The following FBXL17 variants were observed in gnomAD, a reference collection of about 807,000 sequenced individuals.
The protein encoded by FBXL17 is F-box and leucine rich repeat protein 17, also known as F-box/LRR-repeat protein 17.
FBXL17 carries 22 observed loss-of-function variants against 66.2 expected under a neutral mutation model. The ratio of observed to expected loss-of-function variants is 0.33; its 90% CI spans 0.24 to 0.47. FBXL17 has a LOEUF of 0.47. FBXL17 is among the 20% of genes least tolerant of loss of function. The pLI, the probability that FBXL17 is intolerant of heterozygous loss-of-function variation, is 1.00. For missense variants in FBXL17, 878 were observed against 948.2 expected (o/e 0.93, Z 0.97); for synonymous variants, 474 against 400.5 (o/e 1.18, Z -2.19).
At chr5:108,221,009 C>T (rs1754841184) in intron 5 of FBXL17, among the ~76,000 whole-genome samples, 1 of 152,102 alleles carries the variant, frequency 6.6e-6, no homozygotes. Context: ...CCAAACAGTC[C>T]CATAAATATG....
chr5:108,309,739 G>C (rs990668657), intron 4 of FBXL17, among the ~76,000 whole-genome samples: 45 of 151,954 alleles, frequency 3.0e-4, no homozygotes, highest in Admixed American at 2.3e-3. Flanking sequence ...TACAAACAGT[G>C]ACTGATTTTT....
chr5:108,029,158 G>T (rs1754937357), intron 6 of FBXL17, among the ~76,000 whole-genome samples: 1 of 152,044 alleles, frequency 6.6e-6, no homozygotes, highest in South Asian at 2.1e-4. Context: ...TTTACATAGA[G>T]ATTATACAAA....
chr5:108,211,969 A>C (rs1754393113), intron 5 of FBXL17, among the ~76,000 whole-genome samples: 1 of 152,130 alleles, frequency 6.6e-6, no homozygotes, highest in Non-Finnish European at 1.5e-5. Flanking sequence ...TACATCAATC[A>C]AACATAGATT....
intron 3 of FBXL17, among the ~76,000 whole-genome samples, chr5:108,356,797 G>C (rs1041211022): frequency 6.6e-6 from 1 of 151,958 alleles, no homozygotes; most frequent in Non-Finnish European, 1.5e-5. Flanking sequence ...AATACCAAGA[G>C]TGAACCCTAA....
chr5:107,946,496 G>A (rs1751302787), intron 7 of FBXL17, among the ~76,000 whole-genome samples: 1 of 145,620 alleles, frequency 6.9e-6, no homozygotes, highest in African/African-American at 2.5e-5. Context: ...TTGTAGAGAT[G>A]AGGTCTCAAA....
chr5:108,351,982 T>C (rs569467286), intron 3 of FBXL17, among the ~76,000 whole-genome samples: 4 of 152,364 alleles, frequency 2.6e-5, no homozygotes, highest in African/African-American at 9.6e-5. Context: ...AAAGTAGCTT[T>C]GGTGGCTTTA....
chr5:108,374,985 A>G (rs1356390650), intron 1 of FBXL17, among the ~76,000 whole-genome samples: 2 of 152,096 alleles, frequency 1.3e-5, no homozygotes, highest in Admixed American at 6.5e-5. Context: ...AACAAGGGGG[A>G]AAAAATACAG....
At chr5:108,069,493 T>A (rs1450071136) in intron 6 of FBXL17, among the ~76,000 whole-genome samples, 1 of 152,228 alleles carries the variant, frequency 6.6e-6, no homozygotes, top group East Asian at 1.9e-4. Flanking sequence ...TCTGTTAATG[T>A]GTTTTTGTGT....
chr5:108,186,267 G>A lies in FBXL17; in HGVS notation c.1615-20C>T, dbSNP rs1347835430. 1 of 1,600,034 alleles carries A rather than the reference G, an allele frequency of 6.2e-7. No homozygotes were observed. On this transcript the variant is annotated intron_variant, in intron 5 of 8. Coordinates refer to ENST00000542267, the MANE Select transcript of FBXL17 (RefSeq NM_001163315.3). ...TCTTAGCTAATGAGATAAATAAAAT[G>A]AAAGATGAAAAAGGTAAATGCTACA...
chr5:107,988,500 T>G (rs538008959), intron 7 of FBXL17, among the ~76,000 whole-genome samples: 1 of 152,132 alleles, frequency 6.6e-6, no homozygotes, highest in South Asian at 2.1e-4. Flanking sequence ...TTTTCTACGT[T>G]TAGTTTTAGG....
intron 4 of FBXL17, among the ~76,000 whole-genome samples, chr5:108,253,030 C>T (rs886429578): frequency 6.6e-6 from 1 of 152,088 alleles, no homozygotes. Context: ...TTCCAAAGAA[C>T]TGCAATAATA....
chr5:108,105,205 A>G (rs1186665279), intron 6 of FBXL17, among the ~76,000 whole-genome samples: 4 of 152,210 alleles, frequency 2.6e-5, no homozygotes, highest in African/African-American at 9.6e-5. Context: ...AAAGGATTCT[A>G]ATGAATGAAG....
intron 6 of FBXL17, among the ~76,000 whole-genome samples, chr5:108,040,943 C>T (rs1747022432): frequency 6.6e-6 from 1 of 152,104 alleles, no homozygotes; most frequent in Non-Finnish European, 1.5e-5. Flanking sequence ...AGCATTATGG[C>T]ACAGGATTTG....
At chr5:108,138,476 A>G (rs565211995) in intron 6 of FBXL17, among the ~76,000 whole-genome samples, 2 of 152,260 alleles carry the variant, frequency 1.3e-5, no homozygotes, top group East Asian at 3.9e-4. Flanking sequence ...AATGCCTAGT[A>G]CAATTGGGCC....
intron 4 of FBXL17, among the ~76,000 whole-genome samples, chr5:108,229,563 G>T (rs560633622): frequency 1.3e-5 from 2 of 151,936 alleles, no homozygotes. Flanking sequence ...TACAAAAATC[G>T]AATCAAGATG....
intron 5 of FBXL17, among the ~76,000 whole-genome samples, chr5:108,214,368 CTTTTTTT>C (rs70996986): frequency 3.9e-5 from 5 of 129,668 alleles, no homozygotes; most frequent in African/African-American, 1.5e-4. Context: ...TATTAATTGA[CTTTTTTT>C]TTTTTTTTTT....
intron 7 of FBXL17, among the ~76,000 whole-genome samples, chr5:107,969,874 T>C (rs1752302959): frequency 6.6e-6 from 1 of 152,220 alleles, no homozygotes; most frequent in Non-Finnish European, 1.5e-5. Context: ...TATGATATGT[T>C]AGTAAGCTAT....
At chr5:108,166,416 T>C (rs1752418236) in intron 6 of FBXL17, among the ~76,000 whole-genome samples, 1 of 152,226 alleles carries the variant, frequency 6.6e-6, no homozygotes, top group South Asian at 2.1e-4. Context: ...CCTCTGTATT[T>C]TAACATATCT....
At chr5:108,353,933 C>G in intron 3 of FBXL17, among the ~76,000 whole-genome samples, 1 of 152,160 alleles carries the variant, frequency 6.6e-6, no homozygotes, top group East Asian at 1.9e-4. Flanking sequence ...TATCCCTTAT[C>G]CAAAATGTTT....
Sources: allele counts gnomAD v4.1 joint callset (sites outside exome capture counted in the v4.1 genomes callset), GRCh38; gene constraint gnomAD v4.1.1; transcripts MANE v1.5; gene names NCBI Gene and HGNC (gene_info 2026-07-23, HGNC 2026-07-21).